The following NTNG2 variants were observed in gnomAD, a reference collection of about 807,000 sequenced individuals.
NTNG2 encodes the protein netrin-G2.
NTNG2 carries 15 observed loss-of-function variants against 47.6 expected under a neutral mutation model. That is an observed-to-expected ratio of 0.32 (90% CI 0.21 to 0.49). The LOEUF is 0.49. Ranked by LOEUF, NTNG2 falls within the 20% of genes least tolerant of loss-of-function variation. The pLI is 0.99. For missense variants in NTNG2, 578 were observed against 764.6 expected (o/e 0.76, Z 2.88); for synonymous variants, 307 against 324.6 (o/e 0.95, Z 0.58).
At chr9:132,210,900 T>TCA (rs59132008) in intron 3 of NTNG2, among the ~76,000 whole-genome samples, 13,281 of 151,936 alleles carry the variant, frequency 0.087, 1,696 homozygotes, top group African/African-American at 0.28. Context: ...ACCCGCCAAG[T>TCA]CACACACACA....
intron 3 of NTNG2, among the ~76,000 whole-genome samples, chr9:132,222,770 C>T (rs1026699405): frequency 1.3e-5 from 2 of 152,196 alleles, no homozygotes; most frequent in Admixed American, 6.5e-5. Flanking sequence ...ACTGCCTTCT[C>T]CACTCTGGCC....
At chr9:132,189,735 G>A (rs968022353) in intron 2 of NTNG2, among the ~76,000 whole-genome samples, 1 of 152,052 alleles carries the variant, frequency 6.6e-6, no homozygotes, top group Non-Finnish European at 1.5e-5. Context: ...TGCCTCCCAG[G>A]TTCAAATGAT....
chr9:132,230,297 A>G (rs1841101545), intron 4 of NTNG2, among the ~76,000 whole-genome samples: 2 of 152,186 alleles, frequency 1.3e-5, no homozygotes, highest in African/African-American at 2.4e-5. Flanking sequence ...CCCAAGGGCA[A>G]GTCACGGCTC....
At chr9:132,198,866 A>T (rs1327803392) in intron 3 of NTNG2, among the ~76,000 whole-genome samples, 3 of 151,734 alleles carry the variant, frequency 2.0e-5, no homozygotes, top group African/African-American at 4.8e-5. Context: ...GGTTCTTGGG[A>T]TGTTACCTGG....
At chr9:132,196,687 G>A (rs768267533) in intron 2 of NTNG2, among the ~76,000 whole-genome samples, 1 of 152,130 alleles carries the variant, frequency 6.6e-6, no homozygotes, top group Non-Finnish European at 1.5e-5. Flanking sequence ...CCAAATGTAT[G>A]GGTTTTCCAC....
intron 6 of NTNG2, 129 bp from the exon 7 acceptor site, chr9:132,240,781 T>C: frequency 2.1e-6 from 3 of 1,420,152 alleles, no homozygotes; most frequent in Non-Finnish European, 2.9e-6. Context: ...CGGGCTCACG[T>C]GGACCCAGTG....
At chr9:132,214,202 C>G (rs1430809819) in intron 3 of NTNG2, among the ~76,000 whole-genome samples, 4 of 152,364 alleles carry the variant, frequency 2.6e-5, no homozygotes, top group South Asian at 2.1e-4. Context: ...TACATTCCAC[C>G]CGCCCTCCTG....
Position 132,243,455 on chromosome 9 carries a change from T to A in NTNG2, c.*1344T>A, listed in dbSNP as rs1352453594. 1 of 152,246 alleles carries A rather than the reference T, an allele frequency of 6.6e-6. No homozygotes were observed. The highest frequency in any genetic ancestry group is 1.5e-5 in the Non-Finnish European group (1 of 68,084). The allele number at this position is 152,246 out of a possible 1,614,324, so 9.4% of individuals were successfully genotyped here. ...GTGAGGAAGCTCCTAGATTCGGGGC[T>A]CATCCCCTGGGGCCTCTGATTCAGA... On this transcript the variant is annotated 3_prime_UTR_variant, in exon 8 of 8. Transcript: ENST00000393229.
chr9:132,177,531 C>T (rs1486324656), intron 2 of NTNG2, among the ~76,000 whole-genome samples: 1 of 152,152 alleles, frequency 6.6e-6, no homozygotes, highest in Non-Finnish European at 1.5e-5. Flanking sequence ...ATCCAGTTTC[C>T]CCAACACTAT....
At chr9:132,184,875 T>C (rs2131377768) in intron 2 of NTNG2, among the ~76,000 whole-genome samples, 1 of 152,290 alleles carries the variant, frequency 6.6e-6, no homozygotes, top group Middle Eastern at 3.4e-3. Flanking sequence ...TGAGCCAAGA[T>C]CGTACCAGTG....
In NTNG2 at chr9:132,166,606, C is replaced by A; in HGVS notation, c.-226C>A. ...AGTTATGGGCAACTTTCTGATCTGT[C>A]CATCAGCAGTCTGAGAAACGCTGGC... On this transcript the variant is annotated 5_prime_UTR_variant, in exon 2 of 8. Coordinates refer to ENST00000393229, the MANE Select transcript of NTNG2 (RefSeq NM_032536.4). The A allele has an allele frequency of 1.7e-6, 1 of 578,014 alleles. No individual in the cohort carries two copies. The highest frequency in any genetic ancestry group is 3.1e-6 in the Non-Finnish European group (1 of 322,460). The allele number at this position is 578,014 out of a possible 1,614,324, so 35.8% of individuals were successfully genotyped here.
At chr9:132,205,563 A>G (rs1039611897) in intron 3 of NTNG2, among the ~76,000 whole-genome samples, 3 of 152,306 alleles carry the variant, frequency 2.0e-5, no homozygotes, top group Middle Eastern at 6.8e-3. Context: ...TGGATGTGCT[A>G]ATGCCACCAG....
chr9:132,191,553 T>C (rs1837887788), intron 2 of NTNG2, among the ~76,000 whole-genome samples: 1 of 95,638 alleles, frequency 1.0e-5, no homozygotes, highest in African/African-American at 1.1e-4. Context: ...AATGGGTATG[T>C]TAACTCATCT....
rs1014516988 is a variant in NTNG2, at chr9:132,166,412, G to C, written c.-420G>C. The C allele has an allele frequency of 4.2e-6, 1 of 236,718 alleles. No homozygotes were observed. Among genetic ancestry groups the C allele is most frequent in the Admixed American group, 4.9e-5 (1 of 20,224 alleles). 14.7% of individuals were successfully genotyped at this position (236,718 alleles called of 1,614,324 possible). ...CCATTAAGAGCCCTTTAAAGACCTG[G>C]ATTGATTGGAAGGACAAAAATTAAA... is the stretch of plus-strand genomic sequence containing the variant. On this transcript the variant is annotated 5_prime_UTR_variant, in exon 2 of 8. Transcript: ENST00000393229.
At chr9:132,190,913 A>T (rs568876002) in intron 2 of NTNG2, among the ~76,000 whole-genome samples, 1 of 152,138 alleles carries the variant, frequency 6.6e-6, no homozygotes, top group East Asian at 1.9e-4. Context: ...ACACTGCCTG[A>T]CCTTTCAGGT....
At chr9:132,204,302 C>A (rs936477494) in intron 3 of NTNG2, among the ~76,000 whole-genome samples, 6 of 152,192 alleles carry the variant, frequency 3.9e-5, no homozygotes, top group African/African-American at 1.2e-4. Context: ...CTCCCCCAAC[C>A]TGTTTTTTCC....
chr9:132,227,076 G>A lies in NTNG2; in HGVS notation c.1030+55G>A, dbSNP rs560657370. The A allele has an allele frequency of 4.5e-4, 676 of 1,507,700 alleles. 5 individuals are homozygous for A. The South Asian group carries it at 7.2e-3, about 16-fold the overall frequency. 93.4% of individuals were successfully genotyped at this position (1,507,700 alleles called of 1,614,324 possible). A position where few individuals can be genotyped will look rare whatever the true frequency, so the allele number is the denominator to read the frequency against. On this transcript the variant is annotated intron_variant, in intron 4 of 7. Transcript: ENST00000393229. ...CACATGGCTATAATCTTCCCTGCCCGTCAATCCCAGGAGCTGTGGATCATA... is the reference window on the plus strand; with the variant it reads ...CACATGGCTATAATCTTCCCTGCCCATCAATCCCAGGAGCTGTGGATCATA...
At chr9:132,189,730 C>A (rs1176734986) in intron 2 of NTNG2, among the ~76,000 whole-genome samples, 1 of 152,080 alleles carries the variant, frequency 6.6e-6, no homozygotes, top group Non-Finnish European at 1.5e-5. Flanking sequence ...ACCTCTGCCT[C>A]CCAGGTTCAA....
rs112096623 is a variant in NTNG2 at position 132,234,113 on chromosome 9, C to T, written c.1054+3518C>T. On this transcript the variant is annotated intron_variant, in intron 5 of 7. Coordinates refer to ENST00000393229, the MANE Select transcript of NTNG2 (RefSeq NM_032536.4). ...AGCAATCTCAGCTCACTGCAACCTC[C>T]GCCCCCCCAGGTTCAAGCAATTCTC... Among the ~76,000 whole-genome samples the T allele has an allele frequency of 3.4e-3, 513 of 151,802 alleles. 4 individuals are homozygous for T. Among genetic ancestry groups the T allele is most frequent in the African/African-American group, 0.012 (484 of 41,382 alleles).
Sources: allele counts gnomAD v4.1 joint callset (sites outside exome capture counted in the v4.1 genomes callset), GRCh38; gene constraint gnomAD v4.1.1; transcripts MANE v1.5; gene names NCBI Gene and HGNC (gene_info 2026-07-23, HGNC 2026-07-21).